Variants in MAGI1 observed in about 807,000 individuals in gnomAD.
MAGI1 encodes membrane-associated guanylate kinase, WW and PDZ domain-containing protein 1.
A neutral mutation model predicts 139.9 loss-of-function variants in MAGI1; 58 were observed. The observed-to-expected ratio is 0.41, with a 90% CI of 0.34 to 0.52. MAGI1 has a LOEUF of 0.52. Among genes scored for constraint, MAGI1 ranks in the 20% least tolerant of loss-of-function variants. The pLI, the probability that MAGI1 is intolerant of heterozygous loss-of-function variation, is 0.12. For missense variants in MAGI1, 1,874 were observed against 1,901.6 expected, an observed-to-expected ratio of 0.99 and a Z score of 0.27; for synonymous variants, 812 against 737.9, an observed-to-expected ratio of 1.10 and a Z score of -1.63.
chr3:65,860,918 T>G (rs1458189579), intron 1 of MAGI1, among the ~76,000 whole-genome samples: 1 of 152,184 alleles, frequency 6.6e-6, no homozygotes, highest in African/African-American at 2.4e-5. Context: ...AAATTCAAAT[T>G]CAAATACCAT....
rs570576811 is a variant in MAGI1 at position 65,400,705 on chromosome 3, A to G, written c.2199+734T>C. ...TATTAGCTAACATGTCAACTAGGTA[A>G]TGCATCTTCAGGGAAACCAGATTGG... On this transcript the variant is annotated intron_variant, in intron 13 of 22. Transcript: ENST00000402939. Among the ~76,000 whole-genome samples the G allele has an allele frequency of 4.7e-5, 7 of 147,406 alleles. No individual in the cohort carries two copies. In the East Asian group the frequency reaches 1.0e-3, roughly 22 times the overall value.
At chr3:65,515,259 T>C (rs2077808784) in intron 2 of MAGI1, among the ~76,000 whole-genome samples, 1 of 139,574 alleles carries the variant, frequency 7.2e-6, no homozygotes, top group African/African-American at 2.7e-5. Flanking sequence ...TGTATACATA[T>C]GTAACTAACC....
In MAGI1 at chr3:65,788,790, T is replaced by C. The variant is rs138493347; in HGVS notation, c.314-166702A>G. 2.1e-4 allele frequency among the ~76,000 whole-genome samples: 32 copies of C among 152,344 alleles called. 1 individual carries two copies. The South Asian group carries it at 3.5e-3, about 17-fold the overall frequency. On this transcript the variant is annotated intron_variant, in intron 1 of 22. Coordinates refer to ENST00000402939, the MANE Select transcript of MAGI1 (RefSeq NM_001033057.2). ...AATACTAGCCATAAATCAACCATTA[T>C]GTGTGGGAGTTGCTCAGTGAAAACA...
intron 2 of MAGI1, among the ~76,000 whole-genome samples, chr3:65,511,330 A>G (rs1277009128): frequency 6.7e-6 from 1 of 148,800 alleles, no homozygotes; most frequent in Non-Finnish European, 1.5e-5. Context: ...TAAATGGACT[A>G]AATTCTCCAA....
intron 1 of MAGI1, among the ~76,000 whole-genome samples, chr3:65,889,438 G>A (rs2060654961): frequency 6.6e-6 from 1 of 152,162 alleles, no homozygotes; most frequent in Non-Finnish European, 1.5e-5. Flanking sequence ...ACAGAGTCAT[G>A]ATTCTCTGTT....
intron 1 of MAGI1, among the ~76,000 whole-genome samples, chr3:65,950,078 C>CAAAAA (rs751496271): frequency 2.5e-5 from 1 of 40,340 alleles, no homozygotes; most frequent in African/African-American, 1.6e-4. Context: ...AAAAAAAAAA[C>CAAAAA]AAAAAAAAAA....
intron 2 of MAGI1, among the ~76,000 whole-genome samples, chr3:65,526,419 T>TC (rs1405736636): frequency 1.3e-5 from 2 of 152,228 alleles, no homozygotes; most frequent in African/African-American, 4.8e-5. Flanking sequence ...CTCCAGCTCT[T>TC]ACTTGCAACG....
chr3:65,367,415 G>A (rs1559899153), intron 18 of MAGI1, among the ~76,000 whole-genome samples: 2 of 151,950 alleles, frequency 1.3e-5, no homozygotes, highest in Admixed American at 1.3e-4. Context: ...GTATGTCTGT[G>A]AAACTCTTTT....
intron 1 of MAGI1, among the ~76,000 whole-genome samples, chr3:65,726,752 T>C (rs1388701344): frequency 6.6e-6 from 1 of 151,982 alleles, no homozygotes; most frequent in African/African-American, 2.4e-5. Context: ...TGGGTAGGGT[T>C]TCAGGCACCT....
chr3:65,817,180 A>T (rs1559911293), intron 1 of MAGI1, among the ~76,000 whole-genome samples: 1 of 152,204 alleles, frequency 6.6e-6, no homozygotes, highest in African/African-American at 2.4e-5. Context: ...ATGTCAATGG[A>T]CTAATTCTGA....
chr3:65,676,723 C>T (rs1162807237), intron 1 of MAGI1, among the ~76,000 whole-genome samples: 4 of 152,214 alleles, frequency 2.6e-5, no homozygotes, highest in African/African-American at 9.6e-5. Flanking sequence ...CCCTTCTTCT[C>T]ATTCTCAACT....
At chr3:65,978,799 G>T (rs1290138656) in intron 1 of MAGI1, among the ~76,000 whole-genome samples, 1 of 151,654 alleles carries the variant, frequency 6.6e-6, no homozygotes, top group Non-Finnish European at 1.5e-5. Context: ...AGTTAATTTT[G>T]TATTTTTAGT....
intron 1 of MAGI1, among the ~76,000 whole-genome samples, 200 bp downstream of exon 1, chr3:66,037,796 C>G (rs917742662): frequency 2.0e-5 from 3 of 152,182 alleles, no homozygotes; most frequent in South Asian, 2.1e-4. Flanking sequence ...GCAAACCCAG[C>G]CCCCTCTTCG....
intron 2 of MAGI1, among the ~76,000 whole-genome samples, chr3:65,507,157 G>A (rs906260850): frequency 1.3e-5 from 2 of 152,184 alleles, no homozygotes; most frequent in Non-Finnish European, 2.9e-5. Flanking sequence ...CCTGTGCATG[G>A]TCTTCATAGT....
chr3:65,492,643 A>C (rs1027721113), intron 3 of MAGI1, among the ~76,000 whole-genome samples: 7 of 152,196 alleles, frequency 4.6e-5, no homozygotes, highest in Non-Finnish European at 7.3e-5. Flanking sequence ...AGAAATGGGA[A>C]TATCCATACA....
At chr3:65,954,348 G>A (rs2064009444) in intron 1 of MAGI1, 1 of 152,528 alleles carries the variant, frequency 6.6e-6, no homozygotes, top group Admixed American at 6.5e-5. Context: ...CTAGGCAGCA[G>A]GCCAGCTAGA....
At chr3:65,430,196 A>G in intron 11 of MAGI1, 56 bp from the exon 12 acceptor site, 1 of 1,563,740 alleles carries the variant, frequency 6.4e-7, no homozygotes, top group Non-Finnish European at 8.8e-7. Flanking sequence ...AATTGTCATC[A>G]GTATTATAAT....
At chr3:65,475,808 T>A (rs1203300960) in intron 4 of MAGI1, among the ~76,000 whole-genome samples, 1 of 152,042 alleles carries the variant, frequency 6.6e-6, no homozygotes, top group Non-Finnish European at 1.5e-5. Flanking sequence ...CAGATGCTTC[T>A]GGCCAATAGG....
At chr3:65,490,749 C>G (rs1053191019) in intron 3 of MAGI1, among the ~76,000 whole-genome samples, 3 of 144,586 alleles carry the variant, frequency 2.1e-5, no homozygotes, top group Non-Finnish European at 4.5e-5. Context: ...GAGGCTGAGG[C>G]AGGAGAATCG....
Sources: allele counts gnomAD v4.1 joint callset (sites outside exome capture counted in the v4.1 genomes callset), GRCh38; gene constraint gnomAD v4.1.1; transcripts MANE v1.5; gene names NCBI Gene and HGNC (gene_info 2026-07-23, HGNC 2026-07-21).